Variants in SMC5 observed in about 807,000 individuals in gnomAD.
SMC5 encodes structural maintenance of chromosomes 5, also known as structural maintenance of chromosomes protein 5.
Under a neutral mutation model 148.3 loss-of-function variants are expected in SMC5, and 88 were observed. That is an observed-to-expected ratio of 0.59 (90% CI 0.50 to 0.71). The LOEUF is 0.71. Among genes scored for constraint, SMC5 ranks in the 30% least tolerant of loss-of-function variants. The pLI is 0.00. For synonymous variants in SMC5, 421 were observed against 432.8 expected, an observed-to-expected ratio of 0.97 and a Z score of 0.34; for missense variants, 1,142 against 1,298.9, an observed-to-expected ratio of 0.88 and a Z score of 1.86.
At chr9:70,291,278 A>G (rs1587649243) in intron 8 of SMC5, among the ~76,000 whole-genome samples, 2 of 152,234 alleles carry the variant, frequency 1.3e-5, no homozygotes, top group East Asian at 1.9e-4. Context: ...CTCTGTGTAT[A>G]TATTGGGTCA....
chr9:70,299,925 T>C (rs1177818142), intron 9 of SMC5, 121 bp from the exon 10 acceptor site: 2 of 751,110 alleles, frequency 2.7e-6, no homozygotes, highest in African/African-American at 3.7e-5. Context: ...ACTATGGGAG[T>C]TACTTGCTGA....
chr9:70,346,967 G>A (rs2036680573), intron 19 of SMC5, 99 bp from the exon 20 acceptor site: 2 of 865,512 alleles, frequency 2.3e-6, no homozygotes, highest in Non-Finnish European at 3.7e-6. Flanking sequence ...GCATGCTGTT[G>A]AACAGATAGA....
At chr9:70,340,675 TTTTA>T (rs1203943877) in intron 17 of SMC5, among the ~76,000 whole-genome samples, 3 of 152,122 alleles carry the variant, frequency 2.0e-5, no homozygotes, top group African/African-American at 7.2e-5. Context: ...ATGGTTTTCA[TTTTA>T]TTTGATTCTT....
rs138911131 is a variant in SMC5 at position 70,295,649 on chromosome 9, G to A, written c.1054-2317G>A. ...TGTGATTAGTCATGGTAGTTTCTTG[G>A]ATGAAGGTAACAAATGAGTTAGTGT... On this transcript the variant is annotated intron_variant, in intron 8 of 24. Transcript: ENST00000361138. 6.5e-3 allele frequency among the ~76,000 whole-genome samples: 997 copies of A among 152,248 alleles called. 3 individuals carry two copies. Among genetic ancestry groups the A allele is most frequent in the South Asian group, 0.011 (53 of 4,820 alleles).
At chr9:70,315,899 A>G (rs1204781930) in intron 13 of SMC5, among the ~76,000 whole-genome samples, 1 of 152,108 alleles carries the variant, frequency 6.6e-6, no homozygotes, top group Admixed American at 6.5e-5. Flanking sequence ...CTATGTTCAA[A>G]CATTGTATTA....
At chr9:70,271,844 C>T (rs1231726106) in intron 3 of SMC5, among the ~76,000 whole-genome samples, 1 of 152,194 alleles carries the variant, frequency 6.6e-6, no homozygotes, top group Non-Finnish European at 1.5e-5. Context: ...GTGGTACCCA[C>T]AGTGACTGGA....
chr9:70,294,710 C>A (rs1564036868), intron 8 of SMC5, among the ~76,000 whole-genome samples: 1 of 152,072 alleles, frequency 6.6e-6, no homozygotes, highest in Non-Finnish European at 1.5e-5. Context: ...TAGAACATAA[C>A]CCTCCTCAGC....
At position 70,279,029 on chromosome 9, in the gene SMC5, AT is replaced by A. The variant is rs1456636693; in HGVS notation, c.678+405del. ...GCACTTCCGTTGAACCAATTCTCTC[AT>A]GTATTTTTTTCAGTCACATGAGGGT... On this transcript the variant is annotated intron_variant, in intron 5 of 24. Coordinates refer to ENST00000361138, the MANE Select transcript of SMC5 (RefSeq NM_015110.4). Among the ~76,000 whole-genome samples the A allele has an allele frequency of 3.3e-5, 5 of 152,252 alleles. No homozygotes were observed. In the South Asian group the frequency reaches 1.0e-3, roughly 32 times the overall value.
chr9:70,329,848 G>C (rs2036175842), intron 17 of SMC5, among the ~76,000 whole-genome samples: 1 of 152,190 alleles, frequency 6.6e-6, no homozygotes, highest in Admixed American at 6.5e-5. Context: ...TTGAATCACA[G>C]TTCTTCAGGC....
chr9:70,342,679 A>G (rs1173031982), intron 17 of SMC5, among the ~76,000 whole-genome samples: 1 of 152,244 alleles, frequency 6.6e-6, no homozygotes, highest in Admixed American at 6.5e-5. Context: ...TAGAACAATT[A>G]ACAGGATAGT....
At chr9:70,342,764 C>T (rs1006629464) in intron 17 of SMC5, among the ~76,000 whole-genome samples, 5 of 152,178 alleles carry the variant, frequency 3.3e-5, no homozygotes, top group Non-Finnish European at 4.4e-5. Flanking sequence ...GAAATTTTTG[C>T]AGTCTGGCCC....
intron 17 of SMC5, among the ~76,000 whole-genome samples, chr9:70,333,602 A>T (rs1277597693): frequency 6.6e-6 from 1 of 152,154 alleles, no homozygotes; most frequent in Non-Finnish European, 1.5e-5. Flanking sequence ...ATGGTGGCAC[A>T]TGCCTGTAAT....
chr9:70,260,349 T>G (rs981968983), intron 1 of SMC5, among the ~76,000 whole-genome samples: 1 of 152,138 alleles, frequency 6.6e-6, no homozygotes, highest in Non-Finnish European at 1.5e-5. Context: ...TCAGGTGATC[T>G]GCCCGCCTCG....
intron 8 of SMC5, 44 bp downstream of exon 8, chr9:70,286,315 T>A: frequency 7.9e-7 from 1 of 1,270,234 alleles, no homozygotes; most frequent in Non-Finnish European, 1.1e-6. Context: ...AAGTTTGCTC[T>A]AACTTTTGTT....
At chr9:70,322,001 G>A (rs1226628106) in intron 15 of SMC5, among the ~76,000 whole-genome samples, 1 of 152,066 alleles carries the variant, frequency 6.6e-6, no homozygotes, top group Admixed American at 6.5e-5. Context: ...CTTGAATAAG[G>A]TATGTTTACC....
In SMC5 at chr9:70,352,679, G is replaced by A. The variant is rs563554288; in HGVS notation, c.*348G>A. 5.1e-5 allele frequency: 9 copies of A among 177,118 alleles called. No individual in the cohort carries two copies. In the South Asian group the frequency reaches 1.5e-3, roughly 29 times the overall value. The allele number at this position is 177,118 out of a possible 1,614,324, so 11.0% of individuals were successfully genotyped here. A position where few individuals can be genotyped will look rare whatever the true frequency, so the allele number is the denominator to read the frequency against. ...TATATGGTAGCCCTGAGCTTTAATT[G>A]CAGAGTAACTTTAATTACTTTTAGA... On this transcript the variant is annotated 3_prime_UTR_variant, in exon 25 of 25. Transcript: ENST00000361138.
intron 11 of SMC5, among the ~76,000 whole-genome samples, chr9:70,313,072 A>G (rs1429071047): frequency 6.6e-6 from 1 of 152,208 alleles, no homozygotes; most frequent in Non-Finnish European, 1.5e-5. Flanking sequence ...TCTACTACAT[A>G]TAAAGGCTAT....
intron 9 of SMC5, among the ~76,000 whole-genome samples, 153 bp from the exon 10 acceptor site, chr9:70,299,893 T>C (rs2035312171): frequency 6.6e-6 from 1 of 152,034 alleles, no homozygotes; most frequent in Admixed American, 6.6e-5. Flanking sequence ...TTAGAAAGAT[T>C]TGTTCAGGTC....
At position 70,328,708 on chromosome 9, in the gene SMC5, C is replaced by T. The variant is rs928419572; in HGVS notation, c.2397+4565C>T. Among the ~76,000 whole-genome samples, 7 of 152,350 alleles carry T rather than the reference C, an allele frequency of 4.6e-5. No individual in the cohort carries two copies. The East Asian group carries it at 7.7e-4, about 17-fold the overall frequency. On this transcript the variant is annotated intron_variant, in intron 17 of 24. Transcript: ENST00000361138. ...GGGTCTGGAGGACGGTGGCCCTCTTCTCACAGCTCCACTAGGCAGTGCCCC... is the reference window on the plus strand; with the variant it reads ...GGGTCTGGAGGACGGTGGCCCTCTTTTCACAGCTCCACTAGGCAGTGCCCC...
Sources: allele counts gnomAD v4.1 joint callset (sites outside exome capture counted in the v4.1 genomes callset), GRCh38; gene constraint gnomAD v4.1.1; transcripts MANE v1.5; gene names NCBI Gene and HGNC (gene_info 2026-07-23, HGNC 2026-07-21).